The following GCC2 variants were observed in gnomAD, a reference collection of about 807,000 sequenced individuals.
The protein encoded by GCC2 is GRIP and coiled-coil domain containing 2.
In GCC2, 120 loss-of-function variants were observed where a neutral mutation model predicts 210.6. The ratio of observed to expected loss-of-function variants is 0.57; its 90% CI spans 0.49 to 0.66. The LOEUF (loss-of-function observed/expected upper bound fraction) is 0.66. Among genes scored for constraint, GCC2 ranks in the 30% least tolerant of loss-of-function variants. The pLI is 0.00. For synonymous variants in GCC2, 703 were observed against 652.7 expected (o/e 1.08, Z -1.17); for missense variants, 1,868 against 1,871.9 (o/e 1.00, Z 0.04).
chr2:108,476,436 A>T (rs1183315285), intron 9 of GCC2, among the ~76,000 whole-genome samples: 3 of 152,208 alleles, frequency 2.0e-5, no homozygotes, highest in Non-Finnish European at 4.4e-5. Flanking sequence ...TAACAAAAAG[A>T]TAACCTATTC....
chr2:108,486,627 G>A lies in GCC2; in HGVS notation c.3909G>A (p.Gln1303=). Residue 1303 remains glutamine, a synonymous_variant, in exon 16 of 23, where the codon CAG becomes CAA. Coordinates refer to ENST00000309863, the MANE Select transcript of GCC2 (RefSeq NM_181453.4). The stretch of plus-strand genomic sequence containing the variant: ...ACCAGCAGAGAGTGACAGCACTACA[G>A]GAAGAGTGCCGTGCTGCCAAGGTGC... ...SAYQQRVTAL[Q]EECRAAKAEQ... The A allele has an allele frequency of 1.2e-6, 2 of 1,613,290 alleles. No homozygotes were observed. Among genetic ancestry groups the A allele is most frequent in the Non-Finnish European group, 1.7e-6 (2 of 1,179,660 alleles).
At chr2:108,489,356 A>G (rs571867141) in intron 17 of GCC2, among the ~76,000 whole-genome samples, 5 of 152,290 alleles carry the variant, frequency 3.3e-5, no homozygotes, top group Admixed American at 2.0e-4. Context: ...TCTCTACTAA[A>G]AATAAAAAAT....
At chr2:108,472,552 C>T (rs1351327829) in intron 6 of GCC2, among the ~76,000 whole-genome samples, 2 of 150,700 alleles carry the variant, frequency 1.3e-5, no homozygotes, top group Non-Finnish European at 1.5e-5. Flanking sequence ...TTAATCTTCT[C>T]CTTATTACAC....
intron 22 of GCC2, among the ~76,000 whole-genome samples, chr2:108,500,769 T>C (rs1682883334): frequency 6.6e-6 from 1 of 152,220 alleles, no homozygotes; most frequent in Non-Finnish European, 1.5e-5. Context: ...TCTCTAAGTT[T>C]TCAACTCATG....
intron 2 of GCC2, among the ~76,000 whole-genome samples, chr2:108,450,602 C>A (rs1289492468): frequency 6.6e-6 from 1 of 152,194 alleles, no homozygotes; most frequent in Non-Finnish European, 1.5e-5. Flanking sequence ...AAAAATGTGG[C>A]CGGGCGCGGT....
At chr2:108,463,859 A>G (rs1406914697) in intron 4 of GCC2, among the ~76,000 whole-genome samples, 2 of 152,186 alleles carry the variant, frequency 1.3e-5, no homozygotes, top group Non-Finnish European at 2.9e-5. Context: ...GCCAGTCTCC[A>G]TATCCACAGG....
At chr2:108,479,994 A>AC (rs1311369086) in intron 9 of GCC2, among the ~76,000 whole-genome samples, 1 of 64,450 alleles carries the variant, frequency 1.6e-5, no homozygotes, top group Non-Finnish European at 4.1e-5. Context: ...AAAAAAAAAA[A>AC]AAAAAAAAAA....
Position 108,470,162 on chromosome 2 carries a change from A to G in GCC2, c.833A>G (p.Glu278Gly). The G allele has an allele frequency of 1.2e-6, 2 of 1,613,676 alleles. No homozygotes were observed. The highest frequency in any genetic ancestry group is 2.2e-5 in the South Asian group (2 of 91,012). ...AEINKLNELK[E>G]NLVKQCEASE... Reference sequence around the variant, plus strand: ...ATAAATAAGTTGAACGAGCTAAAAGAGAACTTAGTAAAACAATGTGAGGCA... The same window carrying G: ...ATAAATAAGTTGAACGAGCTAAAAGGGAACTTAGTAAAACAATGTGAGGCA... The change falls in exon 6 of 23, where the codon GAG becomes GGG. Residue 278 changes from glutamate to glycine, a missense_variant. By Grantham distance (98) the Glu-to-Gly change is moderately conservative. Coordinates refer to ENST00000309863, the MANE Select transcript of GCC2 (RefSeq NM_181453.4).
In GCC2 at chr2:108,495,353, C is replaced by T. The variant is rs760385592; in HGVS notation, c.4510C>T (p.Leu1504Phe). Reference sequence around the variant, plus strand: ...AGAAAGGAGAAACACAGACCTCCCGCTTCTAGACATGCACACTGTAACCCG... The same window carrying T: ...AGAAAGGAGAAACACAGACCTCCCGTTTCTAGACATGCACACTGTAACCCG... The part of the protein sequence containing the change: ...LRERRNTDLP[L>F]LDMHTVTREE... Residue 1504 changes from leucine (L) to phenylalanine (F), a missense_variant, in exon 20 of 23, where the codon CTT becomes TTT. Transcript: ENST00000309863. The T allele has an allele frequency of 2.5e-6, 4 of 1,578,428 alleles. No homozygotes were observed. Among genetic ancestry groups the T allele is most frequent in the Non-Finnish European group, 3.4e-6 (4 of 1,164,430 alleles).
intron 11 of GCC2, 123 bp from the exon 12 acceptor site, chr2:108,482,939 C>T (rs1324062632): frequency 1.6e-6 from 1 of 630,670 alleles, no homozygotes; most frequent in East Asian, 3.0e-5. Context: ...CTCGGCCTCC[C>T]AAAGTGCTGG....
At chr2:108,469,189 T>A (rs1388721648) in intron 5 of GCC2, 105 bp downstream of exon 5, 2 of 552,658 alleles carry the variant, frequency 3.6e-6, no homozygotes, top group Non-Finnish European at 6.1e-6. Context: ...TAATATTTTA[T>A]AATATAAACA....
At chr2:108,449,836 C>T (rs1679822480) in intron 2 of GCC2, 147 bp downstream of exon 2, 1 of 613,688 alleles carries the variant, frequency 1.6e-6, no homozygotes, top group Non-Finnish European at 2.9e-6. Context: ...TGCGCAATCG[C>T]CCATTTCCTG....
chr2:108,449,920 TC>T, intron 2 of GCC2: 1 of 534,800 alleles, frequency 1.9e-6, no homozygotes, highest in East Asian at 3.1e-5. Flanking sequence ...TGCTGGGAGA[TC>T]CTGCTATTTT....
rs1400799163 is a variant in GCC2, at chr2:108,475,825, T to G, written c.3035T>G (p.Leu1012Arg). The change falls in exon 9 of 23, where the codon CTC (leucine) becomes CGC (arginine). Residue 1012 changes from leucine (L) to arginine (R), a missense_variant. Leu to Arg is a moderately radical substitution (Grantham distance 102, BLOSUM62 -2). Around this residue, in one of 3 missense-constraint regions of GCC2, gnomAD observed 1,847 missense variants for 1,765.2 expected, o/e 1.05. Coordinates refer to ENST00000309863, the MANE Select transcript of GCC2 (RefSeq NM_181453.4). ...KDQLSASMRD[L>R]IQGAESYKNL... ...CAGTTATCTGCTTCCATGAGAGATC[T>G]CATTCAAGGAGCAGAAAGCTATAAG... 1 of 1,586,198 alleles carries G rather than the reference T, an allele frequency of 6.3e-7. No individual in the cohort carries two copies. Among genetic ancestry groups the G allele is most frequent in the African/African-American group, 1.4e-5 (1 of 73,520 alleles).
chr2:108,466,404 T>C (rs955914891), intron 4 of GCC2, among the ~76,000 whole-genome samples: 8 of 152,096 alleles, frequency 5.3e-5, no homozygotes, highest in African/African-American at 1.9e-4. Context: ...TTAAAATACA[T>C]ATTTGTTGTT....
At chr2:108,468,619 A>G (rs1452431956) in intron 4 of GCC2, among the ~76,000 whole-genome samples, 2 of 152,070 alleles carry the variant, frequency 1.3e-5, no homozygotes, top group Admixed American at 6.6e-5. Flanking sequence ...CCAATCACCA[A>G]TTTTTGAGCC....
intron 22 of GCC2, among the ~76,000 whole-genome samples, chr2:108,504,374 G>T (rs1444167781): frequency 2.6e-5 from 4 of 152,056 alleles, no homozygotes; most frequent in Non-Finnish European, 2.9e-5. Flanking sequence ...TACCCAACTC[G>T]GAAAAGCAAC....
chr2:108,490,450 A>T (rs1446316927), intron 18 of GCC2, among the ~76,000 whole-genome samples: 3 of 152,214 alleles, frequency 2.0e-5, no homozygotes, highest in Non-Finnish European at 2.9e-5. Flanking sequence ...CTTTAAATAG[A>T]CATTAGAAGT....
At chr2:108,449,934 G>T in intron 2 of GCC2, 1 of 523,240 alleles carries the variant, frequency 1.9e-6, no homozygotes, top group Non-Finnish European at 3.4e-6. Context: ...GCTATTTTTC[G>T]AACATAAAGC....
Sources: allele counts gnomAD v4.1 joint callset (sites outside exome capture counted in the v4.1 genomes callset), GRCh38; gene constraint gnomAD v4.1.1; regional missense constraint gnomAD v4.1.1; transcripts MANE v1.5; gene names NCBI Gene and HGNC (gene_info 2026-07-23, HGNC 2026-07-21).